NLRP5: variants seen among roughly 807,000 people sequenced by gnomAD.
NLRP5 encodes NLR family pyrin domain containing 5, also known as NACHT, LRR and PYD domains-containing protein 5.
In NLRP5, 93 loss-of-function variants were observed where a neutral mutation model predicts 113.1. The ratio of observed to expected loss-of-function variants is 0.82; its 90% confidence interval spans 0.70 to 0.98. The LOEUF is 0.98. Among genes scored for constraint, NLRP5 ranks in the 50% least tolerant of loss-of-function variants. The probability of loss-of-function intolerance (pLI) is 0.00; values close to 1 mark genes in which losing one functional copy is unlikely to be tolerated. For missense variants in NLRP5, 1,808 were observed against 1,514.3 expected, an observed-to-expected ratio of 1.19 and a Z score of -3.22; for synonymous variants, 751 against 600.7, an observed-to-expected ratio of 1.25 and a Z score of -3.66.
intron 7 of NLRP5, among the ~76,000 whole-genome samples, chr19:56,032,067 C>T (rs1422169627): frequency 6.6e-6 from 1 of 152,044 alleles, no homozygotes; most frequent in Admixed American, 6.6e-5. Flanking sequence ...CAGGGCTGGG[C>T]ACGGTGGTGG....
chr19:56,024,586 C>CATAT (rs1568489686), intron 6 of NLRP5, among the ~76,000 whole-genome samples: 8 of 148,010 alleles, frequency 5.4e-5, no homozygotes, highest in African/African-American at 1.5e-4. Flanking sequence ...TATATACATA[C>CATAT]ACACACACAC....
chr19:56,037,027 G>A lies in NLRP5; in HGVS notation c.2616-998G>A, dbSNP rs115434955. ...AGCCAGGTACTGGCCTAAGTGTTTC[G>A]TGGCTATTCTAATATTCTAATCCTC... On this transcript the variant is annotated intron_variant, in intron 9 of 14. Coordinates refer to ENST00000390649, the MANE Select transcript of NLRP5 (RefSeq NM_153447.4). 3.8e-3 allele frequency among the ~76,000 whole-genome samples: 583 copies of A among 152,230 alleles called. 3 individuals carry two copies. Among genetic ancestry groups the A allele is most frequent in the Middle Eastern group, 0.014 (4 of 294 alleles).
chr19:56,038,877 T>G lies in NLRP5; in HGVS notation c.2786+682T>G, dbSNP rs1599901426. ...GCCCAGGCTGAGTGCAGTGGTAAGATCCTAGCTCACTACAGCCTCAACTCT... is the reference window on the plus strand; with the variant it reads ...GCCCAGGCTGAGTGCAGTGGTAAGAGCCTAGCTCACTACAGCCTCAACTCT... On this transcript the variant is annotated intron_variant, in intron 10 of 14. Coordinates refer to ENST00000390649, the MANE Select transcript of NLRP5 (RefSeq NM_153447.4). Among the ~76,000 whole-genome samples the G allele has an allele frequency of 2.0e-5, 3 of 152,260 alleles. No homozygotes were observed. In the South Asian group the frequency reaches 6.2e-4, roughly 32 times the overall value.
upstream of NLRP5, among the ~76,000 whole-genome samples, chr19:55,996,031 T>C (rs979452179): frequency 1.2e-5 from 1 of 82,218 alleles, no homozygotes; most frequent in Non-Finnish European, 2.7e-5. Flanking sequence ...TTATCAGTTC[T>C]CTGTCTTTTG....
chr19:56,012,468 G>A (rs1324034467), intron 3 of NLRP5, among the ~76,000 whole-genome samples: 8 of 140,580 alleles, frequency 5.7e-5, no homozygotes, highest in South Asian at 2.2e-4. Flanking sequence ...TTTTTTTTCC[G>A]GATAACTCGA....
chr19:56,010,901 C>A (rs534944516), intron 3 of NLRP5, among the ~76,000 whole-genome samples: 18 of 151,818 alleles, frequency 1.2e-4, no homozygotes, highest in African/African-American at 4.4e-4. Flanking sequence ...CCTGTAATCC[C>A]AGCACTTTGG....
chr19:56,055,585 C>T (rs368931082), intron 13 of NLRP5, among the ~76,000 whole-genome samples: 4 of 124,470 alleles, frequency 3.2e-5, no homozygotes, highest in Admixed American at 1.8e-4. Flanking sequence ...TTGCTCTGTC[C>T]CCCAGGCTGG....
rs780634216 is a variant in NLRP5 at position 56,003,710 on chromosome 19, T to C, written c.63-6T>C. 1.3e-6 allele frequency: 2 copies of C among 1,584,718 alleles called. No individual in the cohort carries two copies. The highest frequency in any genetic ancestry group is 2.3e-5 in the South Asian group (2 of 85,830). ...TTGAGAATTTGCTGCAAGATCCTCT[T>C]TTAAGTCTTGTCACTCTTTCCACAG... On this transcript the variant is annotated splice_region_variant and splice_polypyrimidine_tract_variant and intron_variant, in intron 1 of 14. Coordinates refer to ENST00000390649, the MANE Select transcript of NLRP5 (RefSeq NM_153447.4).
intron 14 of NLRP5, among the ~76,000 whole-genome samples, chr19:56,058,864 C>T (rs2123347218): frequency 6.6e-6 from 1 of 152,260 alleles, no homozygotes; most frequent in East Asian, 1.9e-4. Flanking sequence ...GTGGTGTATA[C>T]CAACAATGGA....
chr19:55,996,798 G>C (rs575193917), upstream of NLRP5, among the ~76,000 whole-genome samples: 2 of 152,124 alleles, frequency 1.3e-5, no homozygotes, highest in African/African-American at 4.8e-5. Context: ...ATAAACATAC[G>C]TGTGCATGTG....
chr19:55,991,034 A>T, the NLRP5 span, among the ~76,000 whole-genome samples: 1 of 152,170 alleles, frequency 6.6e-6, no homozygotes, highest in Admixed American at 6.5e-5. Flanking sequence ...ATGGATTGGA[A>T]GAGCTGTTTA....
rs566544544 is a variant in NLRP5 at position 56,008,791 on chromosome 19, A to G, written c.446A>G (p.His149Arg). 2 of 1,609,396 alleles carry G rather than the reference A, an allele frequency of 1.2e-6. No individual in the cohort carries two copies. Among genetic ancestry groups the G allele is most frequent in the East Asian group, 2.2e-5 (1 of 44,832 alleles). Residue 149 changes from histidine to arginine, a missense_variant, in exon 3 of 15, where the codon CAT becomes CGT. By Grantham distance (29) the His-to-Arg change is conservative. Coordinates refer to ENST00000390649, the MANE Select transcript of NLRP5 (RefSeq NM_153447.4). ...TCCCTTTTTCTTTGTCTTCCAGGACATTCACCAGAAGATCCTGAAGCAACG... is the reference window on the plus strand; with the variant it reads ...TCCCTTTTTCTTTGTCTTCCAGGACGTTCACCAGAAGATCCTGAAGCAACG...
In NLRP5 at chr19:56,033,617, C is replaced by T. The variant is rs1350908585; in HGVS notation, c.2523C>T (p.Ser841=). ...TCATGGCCAACCGTAACCTAAGATCCCTCAACTTGGGAGGCACCCACCTGA... is the reference window on the plus strand; with the variant it reads ...TCATGGCCAACCGTAACCTAAGATCTCTCAACTTGGGAGGCACCCACCTGA... Residue 841 remains serine (S), a synonymous_variant, in exon 9 of 15, where the codon TCC becomes TCT. Transcript: ENST00000390649. The T allele has an allele frequency of 1.2e-5, 20 of 1,613,708 alleles. No homozygotes were observed. Among genetic ancestry groups the T allele is most frequent in the Non-Finnish European group, 1.7e-5 (20 of 1,179,692 alleles).
Position 56,050,477 on chromosome 19 carries a change from G to A in NLRP5, c.3017G>A (p.Gly1006Asp). ...GGTTTTCTTGCACTTGCGCTTATGG[G>A]TAACTCATGGCTGACGCACCTGAGC... is the stretch of plus-strand genomic sequence containing the variant. Residue 1006 changes from glycine to aspartate, a missense_variant, in exon 12 of 15, where the codon GGT (glycine) becomes GAT (aspartate). Physicochemically the swap from Gly to Asp is moderately conservative, Grantham distance 94. Coordinates refer to ENST00000390649, the MANE Select transcript of NLRP5 (RefSeq NM_153447.4). The A allele has an allele frequency of 6.2e-7, 1 of 1,613,896 alleles. No individual in the cohort carries two copies. The highest frequency in any genetic ancestry group is 8.5e-7 in the Non-Finnish European group (1 of 1,179,860).
rs557962686 is a variant in NLRP5, at chr19:56,059,238, C to G, written c.3470+828C>G. On this transcript the variant is annotated intron_variant, in intron 14 of 14. Transcript: ENST00000390649. Reference sequence around the variant, plus strand: ...ATTTCAGCTTCCCCTCTCATTCAGTCCTTGTACAAGTCTGGAGGGCTGAGT... The same window carrying G: ...ATTTCAGCTTCCCCTCTCATTCAGTGCTTGTACAAGTCTGGAGGGCTGAGT... 2.0e-5 allele frequency among the ~76,000 whole-genome samples: 3 copies of G among 152,280 alleles called. No individual in the cohort carries two copies. The East Asian group carries it at 5.8e-4, about 29-fold the overall frequency.
In NLRP5 at chr19:56,056,995, G is replaced by T. The variant is rs150203234; in HGVS notation, c.3300-1245G>T. ...TCTATACTAAAAATACAAAAATTAGGCATGGTGGCAGGCGCTTGTAATCCC... is the reference window on the plus strand; with the variant it reads ...TCTATACTAAAAATACAAAAATTAGTCATGGTGGCAGGCGCTTGTAATCCC... On this transcript the variant is annotated intron_variant, in intron 13 of 14. Coordinates refer to ENST00000390649, the MANE Select transcript of NLRP5 (RefSeq NM_153447.4). Among the ~76,000 whole-genome samples the T allele has an allele frequency of 1.3e-3, 200 of 152,118 alleles. 1 individual carries two copies. Among genetic ancestry groups the T allele is most frequent in the African/African-American group, 4.7e-3 (194 of 41,496 alleles).
At chr19:56,042,853 G>A (rs1201007765) in intron 11 of NLRP5, among the ~76,000 whole-genome samples, 1 of 152,136 alleles carries the variant, frequency 6.6e-6, no homozygotes, top group African/African-American at 2.4e-5. Flanking sequence ...TACGATGTTT[G>A]GTTTTCCATT....
chr19:56,060,708 A>T (rs1459272982), intron 14 of NLRP5, among the ~76,000 whole-genome samples: 1 of 148,704 alleles, frequency 6.7e-6, no homozygotes, highest in Non-Finnish European at 1.5e-5. Flanking sequence ...ATAGTATCTG[A>T]CATATCCAAG....
the NLRP5 span, chr19:55,988,220 C>A: frequency 6.0e-6 from 1 of 165,418 alleles, no homozygotes; most frequent in Non-Finnish European, 1.3e-5. Flanking sequence ...GGTGAAACCC[C>A]GCCTCTACTA....
Sources: allele counts gnomAD v4.1 joint callset (sites outside exome capture counted in the v4.1 genomes callset), GRCh38; gene constraint gnomAD v4.1.1; transcripts MANE v1.5; gene names NCBI Gene and HGNC (gene_info 2026-07-23, HGNC 2026-07-21).